EYS: variants seen among roughly 807,000 people sequenced by gnomAD.
The protein encoded by EYS is protein eyes shut homolog.
EYS carries 250 observed loss-of-function variants against 282.1 expected under a neutral mutation model. That is an observed-to-expected ratio of 0.89 (90% CI 0.80 to 0.98). The LOEUF (loss-of-function observed/expected upper bound fraction) is 0.98, where lower values mean the gene tolerates loss of function less well. EYS is among the 50% of genes least tolerant of loss of function. The probability of loss-of-function intolerance (pLI) is 0.00; values close to 1 mark genes in which losing one functional copy is unlikely to be tolerated. For missense variants in EYS, 4,016 were observed against 3,709.0 expected (o/e 1.08, Z -2.15); for synonymous variants, 1,355 against 1,282.9 (o/e 1.06, Z -1.20).
At chr6:65,434,204 A>G (rs1023027716) in intron 5 of EYS, among the ~76,000 whole-genome samples, 1 of 152,234 alleles carries the variant, frequency 6.6e-6, no homozygotes, top group Non-Finnish European at 1.5e-5. Context: ...GACGTAAGTC[A>G]TTATCCAGAG....
chr6:64,511,859 T>G (rs1172738642), intron 26 of EYS, among the ~76,000 whole-genome samples: 1 of 152,000 alleles, frequency 6.6e-6, no homozygotes, highest in Non-Finnish European at 1.5e-5. Context: ...CTGAACTTAG[T>G]TTTGAAAATC....
chr6:64,921,120 G>T (rs550916533), intron 15 of EYS, among the ~76,000 whole-genome samples: 4 of 152,024 alleles, frequency 2.6e-5, no homozygotes, highest in Admixed American at 1.3e-4. Flanking sequence ...TACTCCTTAG[G>T]GGTAACATGT....
chr6:63,754,303 G>A (rs988749969), intron 41 of EYS, among the ~76,000 whole-genome samples: 4 of 151,870 alleles, frequency 2.6e-5, no homozygotes, highest in African/African-American at 4.8e-5. Context: ...TCTACTTGTC[G>A]TTTACATTAG....
At chr6:65,066,511 T>C (rs950688774) in intron 12 of EYS, among the ~76,000 whole-genome samples, 3 of 152,148 alleles carry the variant, frequency 2.0e-5, no homozygotes, top group Admixed American at 6.5e-5. Context: ...AGGCATGTCA[T>C]CAGAGTTGAA....
intron 24 of EYS, among the ~76,000 whole-genome samples, chr6:64,606,133 A>T (rs1024074940): frequency 1.3e-5 from 2 of 151,998 alleles, no homozygotes; most frequent in African/African-American, 4.8e-5. Context: ...GGATAAAAAA[A>T]ATCTTAAATA....
chr6:64,577,146 T>G (rs1765907722), intron 26 of EYS, among the ~76,000 whole-genome samples: 1 of 152,132 alleles, frequency 6.6e-6, no homozygotes. Flanking sequence ...ATGACCCTGC[T>G]GATACTGTTT....
At chr6:64,010,401 G>C (rs565626696) in intron 33 of EYS, among the ~76,000 whole-genome samples, 2 of 150,938 alleles carry the variant, frequency 1.3e-5, no homozygotes, top group Non-Finnish European at 3.0e-5. Flanking sequence ...GTTGGGGGGG[G>C]GGGTGGTGGT....
chr6:64,334,313 G>A (rs988771357), intron 29 of EYS, among the ~76,000 whole-genome samples: 1 of 152,096 alleles, frequency 6.6e-6, no homozygotes, highest in East Asian at 1.9e-4. Flanking sequence ...GGAAAAATAA[G>A]GCCATCCTTT....
intron 29 of EYS, among the ~76,000 whole-genome samples, chr6:64,321,174 A>G (rs1770207325): frequency 6.6e-6 from 1 of 151,650 alleles, no homozygotes; most frequent in South Asian, 2.1e-4. Flanking sequence ...ACAGATATAA[A>G]TCCCTCTTTT....
chr6:65,194,998 A>G (rs1026262141), intron 12 of EYS, among the ~76,000 whole-genome samples: 1 of 151,912 alleles, frequency 6.6e-6, no homozygotes, highest in Non-Finnish European at 1.5e-5. Flanking sequence ...GCTGTATGTT[A>G]GTTGATATGA....
intron 33 of EYS, among the ~76,000 whole-genome samples, chr6:64,033,225 A>G (rs1054726642): frequency 2.6e-5 from 4 of 152,198 alleles, no homozygotes; most frequent in African/African-American, 9.7e-5. Flanking sequence ...TGTTGTTTCT[A>G]CTTCTCATAC....
chr6:64,332,737 C>A (rs1302492721), intron 29 of EYS, among the ~76,000 whole-genome samples: 1 of 152,190 alleles, frequency 6.6e-6, no homozygotes, highest in Non-Finnish European at 1.5e-5. Flanking sequence ...AAACATCAAG[C>A]CCTGCTCTAG....
At chr6:64,141,251 A>G (rs1368432442) in intron 31 of EYS, among the ~76,000 whole-genome samples, 1 of 152,186 alleles carries the variant, frequency 6.6e-6, no homozygotes, top group East Asian at 1.9e-4. Flanking sequence ...GCCCATCTTT[A>G]AAAATATTTT....
intron 5 of EYS, among the ~76,000 whole-genome samples, chr6:65,465,973 TCA>T (rs1764983761): frequency 1.3e-5 from 2 of 150,590 alleles, no homozygotes; most frequent in African/African-American, 4.9e-5. Context: ...CCTGTATCAA[TCA>T]ATCAATCAAT....
intron 30 of EYS, among the ~76,000 whole-genome samples, chr6:64,266,065 T>C (rs963443225): frequency 6.6e-6 from 1 of 152,118 alleles, no homozygotes; most frequent in Non-Finnish European, 1.5e-5. Context: ...TGAAAATGTC[T>C]AATTTTTTAA....
intron 19 of EYS, among the ~76,000 whole-genome samples, chr6:64,864,315 G>A (rs1398741332): frequency 6.7e-6 from 1 of 149,008 alleles, no homozygotes; most frequent in African/African-American, 2.5e-5. Flanking sequence ...GGCCAAATCA[G>A]AGCTAAGTTG....
chr6:64,573,940 G>C (rs981060797), intron 26 of EYS, among the ~76,000 whole-genome samples: 2 of 151,826 alleles, frequency 1.3e-5, no homozygotes, highest in Non-Finnish European at 2.9e-5. Context: ...ATACTCAAAG[G>C]ATTATAAATA....
chr6:64,976,069 C>T (rs1221057915), intron 14 of EYS, among the ~76,000 whole-genome samples: 5 of 151,782 alleles, frequency 3.3e-5, no homozygotes, highest in African/African-American at 9.7e-5. Context: ...TATAATGATA[C>T]ATAAGCATTT....
intron 31 of EYS, among the ~76,000 whole-genome samples, chr6:64,165,192 A>G (rs1472869071): frequency 6.6e-6 from 1 of 152,110 alleles, no homozygotes; most frequent in Non-Finnish European, 1.5e-5. Context: ...AAAACTAAAA[A>G]AGCAGAGTGT....
Sources: allele counts gnomAD v4.1 joint callset (sites outside exome capture counted in the v4.1 genomes callset), GRCh38; gene constraint gnomAD v4.1.1; transcripts MANE v1.5; gene names NCBI Gene and HGNC (gene_info 2026-07-23, HGNC 2026-07-21).